The following JMJD1C variants were observed in gnomAD, a reference collection of about 807,000 sequenced individuals.
JMJD1C encodes the protein jumonji domain-containing protein 1C.
Under a neutral mutation model 245.3 loss-of-function variants are expected in JMJD1C, and 31 were observed. The ratio of observed to expected loss-of-function variants is 0.13; its 90% CI spans 0.09 to 0.17. The LOEUF (loss-of-function observed/expected upper bound fraction) is 0.17, where lower values mean the gene tolerates loss of function less well. Ranked by LOEUF, JMJD1C falls within the 10% of genes least tolerant of loss-of-function variation. The probability of loss-of-function intolerance (pLI) is 1.00; values close to 1 mark genes in which losing one functional copy is unlikely to be tolerated. For synonymous variants in JMJD1C, 1,057 were observed against 1,017.4 expected (o/e 1.04, Z -0.74); for missense variants, 2,691 against 3,000.2 (o/e 0.90, Z 2.41).
intron 2 of JMJD1C, among the ~76,000 whole-genome samples, chr10:63,350,090 T>C (rs1463664536): frequency 6.6e-6 from 1 of 152,208 alleles, no homozygotes; most frequent in Non-Finnish European, 1.5e-5. Flanking sequence ...ATTATTCACA[T>C]AAAATGATTT....
At chr10:63,498,153 C>A (rs1954420226) in intron 1 of JMJD1C, among the ~76,000 whole-genome samples, 2 of 152,094 alleles carry the variant, frequency 1.3e-5, no homozygotes, top group African/African-American at 4.8e-5. Flanking sequence ...AATAACATGA[C>A]TAAAAAATAG....
At chr10:63,515,266 T>C (rs979527837) in intron 1 of JMJD1C, among the ~76,000 whole-genome samples, 2 of 152,212 alleles carry the variant, frequency 1.3e-5, no homozygotes, top group Non-Finnish European at 2.9e-5. Flanking sequence ...CCAGTTAGGT[T>C]TGGTTCTAAG....
chr10:63,499,885 C>A (rs1295449651), intron 1 of JMJD1C, among the ~76,000 whole-genome samples: 1 of 152,134 alleles, frequency 6.6e-6, no homozygotes, highest in East Asian at 1.9e-4. Context: ...TTAGGTGAAG[C>A]TATGTACTTT....
rs1844138827 is a variant in JMJD1C at position 63,186,467 on chromosome 10, C to T, written c.6571-84G>A. The T allele has an allele frequency of 4.4e-6, 5 of 1,146,806 alleles. No individual in the cohort carries two copies. In the South Asian group the frequency reaches 8.2e-5, roughly 19 times the overall value. The allele number at this position is 1,146,806 out of a possible 1,614,324, so 71.0% of individuals were successfully genotyped here. ...TTTGTTTGTTTGTTTGAGACAGAGT[C>T]TTGCTCTCTTACCCAGGCTGGAGAG... On this transcript the variant is annotated intron_variant, in intron 18 of 25. Coordinates refer to ENST00000399262, the MANE Select transcript of JMJD1C (RefSeq NM_032776.3).
intron 1 of JMJD1C, chr10:63,427,623 G>A: frequency 6.5e-6 from 9 of 1,377,892 alleles, no homozygotes; most frequent in Non-Finnish European, 9.3e-6. Flanking sequence ...TGGTGGTGGA[G>A]AAACAGTGTG....
intron 2 of JMJD1C, among the ~76,000 whole-genome samples, chr10:63,378,468 T>G (rs1946951160): frequency 6.6e-6 from 1 of 152,054 alleles, no homozygotes; most frequent in Admixed American, 6.6e-5. Flanking sequence ...GGCAGGCGCC[T>G]GTAGTCCCAG....
chr10:63,201,178 G>C (rs917831077), intron 10 of JMJD1C, among the ~76,000 whole-genome samples: 2 of 152,180 alleles, frequency 1.3e-5, no homozygotes, highest in South Asian at 2.1e-4. Context: ...TCCAAGGTAA[G>C]TGTGGCTCAT....
chr10:63,218,938 A>C lies in JMJD1C; in HGVS notation c.553+940T>G, dbSNP rs573504546. ...ATTTAAAAACAATTACTTTTTTCAG[A>C]ATAATGTTCCAGCATTGTTTTGTTC... On this transcript the variant is annotated intron_variant, in intron 4 of 25. Coordinates refer to ENST00000399262, the MANE Select transcript of JMJD1C (RefSeq NM_032776.3). Among the ~76,000 whole-genome samples, 9 of 152,280 alleles carry C rather than the reference A, an allele frequency of 5.9e-5. No individual in the cohort carries two copies. In the South Asian group the frequency reaches 1.9e-3, roughly 32 times the overall value.
intron 22 of JMJD1C, among the ~76,000 whole-genome samples, chr10:63,179,687 CT>C (rs2132842298): frequency 6.6e-6 from 1 of 151,468 alleles, no homozygotes; most frequent in South Asian, 2.1e-4. Flanking sequence ...GTGGGAGGAT[CT>C]TTTGAGTCCA....
At chr10:63,352,163 G>C (rs77760190) in intron 2 of JMJD1C, among the ~76,000 whole-genome samples, 5,620 of 152,220 alleles carry the variant, frequency 0.037, 336 homozygotes, top group East Asian at 0.29. Context: ...ACTAACTTGA[G>C]GTACTTTGTG....
At chr10:63,256,339 A>T (rs1399131345) in intron 3 of JMJD1C, among the ~76,000 whole-genome samples, 2 of 152,194 alleles carry the variant, frequency 1.3e-5, no homozygotes, top group Non-Finnish European at 2.9e-5. Context: ...ATGGGACCTT[A>T]ATAAGCATGT....
At chr10:63,194,230 T>C (rs546373105) in intron 14 of JMJD1C, 56 bp downstream of exon 14, 3 of 1,061,346 alleles carry the variant, frequency 2.8e-6, no homozygotes. Context: ...CTTTAAGTGT[T>C]TCCTTAATCT....
chr10:63,433,185 G>A (rs567804234), intron 1 of JMJD1C, among the ~76,000 whole-genome samples: 2 of 151,170 alleles, frequency 1.3e-5, no homozygotes, highest in African/African-American at 2.4e-5. Flanking sequence ...TCTGCCTCCC[G>A]ACCCCAGTTC....
At chr10:63,377,625 C>T (rs1232035625) in intron 2 of JMJD1C, among the ~76,000 whole-genome samples, 1 of 151,998 alleles carries the variant, frequency 6.6e-6, no homozygotes, top group African/African-American at 2.4e-5. Flanking sequence ...GTCCCAGCTA[C>T]TCGAGAGGCT....
chr10:63,350,291 T>C (rs920950802), intron 2 of JMJD1C, among the ~76,000 whole-genome samples: 4 of 151,720 alleles, frequency 2.6e-5, no homozygotes, highest in African/African-American at 9.7e-5. Context: ...AAAGGGTTTA[T>C]GTTTTTTCAG....
At chr10:63,321,552 T>C (rs1045527952) in intron 2 of JMJD1C, among the ~76,000 whole-genome samples, 2 of 152,198 alleles carry the variant, frequency 1.3e-5, no homozygotes, top group Non-Finnish European at 2.9e-5. Context: ...AAGTGTTGTG[T>C]TGAGTCGACA....
chr10:63,502,279 A>G (rs1405073603), intron 1 of JMJD1C, among the ~76,000 whole-genome samples: 1 of 152,162 alleles, frequency 6.6e-6, no homozygotes, highest in African/African-American at 2.4e-5. Flanking sequence ...TTACCACTGA[A>G]GTTAAAGCTT....
rs1847833658 is a variant in JMJD1C, at chr10:63,215,165, G to A, written c.1016-14C>T. The A allele has an allele frequency of 2.0e-6, 3 of 1,517,046 alleles. No homozygotes were observed. The highest frequency in any genetic ancestry group is 2.1e-5 in the Admixed American group (1 of 47,110). The allele number at this position is 1,517,046 out of a possible 1,614,324, so 94.0% of individuals were successfully genotyped here. On this transcript the variant is annotated splice_polypyrimidine_tract_variant and intron_variant, in intron 7 of 25. Coordinates refer to ENST00000399262, the MANE Select transcript of JMJD1C (RefSeq NM_032776.3). ...CTTTAGGATTTTCTGTAGGATTAAA[G>A]AAAGAAGAGTCTTATTTTTCATACT...
intron 2 of JMJD1C, among the ~76,000 whole-genome samples, chr10:63,282,158 A>G (rs1356571024): frequency 6.6e-6 from 1 of 152,202 alleles, no homozygotes; most frequent in Non-Finnish European, 1.5e-5. Flanking sequence ...AGTATAAGTC[A>G]ACAAGGCTCT....
Sources: allele counts gnomAD v4.1 joint callset (sites outside exome capture counted in the v4.1 genomes callset), GRCh38; gene constraint gnomAD v4.1.1; transcripts MANE v1.5; gene names NCBI Gene and HGNC (gene_info 2026-07-23, HGNC 2026-07-21).